The following EYS variants were observed in gnomAD, a reference collection of about 807,000 sequenced individuals.
EYS encodes the protein EGF-like photoreceptor maintenance factor.
A neutral mutation model predicts 282.1 loss-of-function variants in EYS; 250 were observed. The observed-to-expected ratio is 0.89, with a 90% confidence interval of 0.80 to 0.98. The LOEUF (loss-of-function observed/expected upper bound fraction) is 0.98, where lower values mean the gene tolerates loss of function less well. EYS is among the 50% of genes least tolerant of loss of function. The probability of loss-of-function intolerance (pLI) is 0.00; values close to 1 mark genes in which losing one functional copy is unlikely to be tolerated. For missense variants in EYS, 4,016 were observed against 3,709.0 expected, an observed-to-expected ratio of 1.08 and a Z score of -2.15; for synonymous variants, 1,355 against 1,282.9, an observed-to-expected ratio of 1.06 and a Z score of -1.20.
At chr6:65,705,851 A>T (rs1769860340) in intron 1 of EYS, among the ~76,000 whole-genome samples, 1 of 152,252 alleles carries the variant, frequency 6.6e-6, no homozygotes, top group South Asian at 2.1e-4. Flanking sequence ...AATTATTTTT[A>T]AAAAATCTGA....
At chr6:65,522,754 C>G (rs1402669266) in intron 2 of EYS, among the ~76,000 whole-genome samples, 1 of 152,046 alleles carries the variant, frequency 6.6e-6, no homozygotes, top group African/African-American at 2.4e-5. Flanking sequence ...CCCTTATATT[C>G]TCACATTTTT....
At chr6:64,555,432 A>G (rs779484987) in intron 26 of EYS, among the ~76,000 whole-genome samples, 2 of 151,934 alleles carry the variant, frequency 1.3e-5, no homozygotes, top group East Asian at 1.9e-4. Flanking sequence ...TACCTAATGT[A>G]TGACACAGCG....
chr6:65,088,037 A>T (rs1310650899), intron 12 of EYS, among the ~76,000 whole-genome samples: 1 of 152,156 alleles, frequency 6.6e-6, no homozygotes, highest in African/African-American at 2.4e-5. Context: ...CTGTCCTGTG[A>T]AGAAGGCGTC....
At chr6:64,396,519 C>T (rs1773383365) in intron 28 of EYS, among the ~76,000 whole-genome samples, 1 of 151,820 alleles carries the variant, frequency 6.6e-6, no homozygotes, top group Admixed American at 6.6e-5. Context: ...TGTTGTTGTT[C>T]CTGACTTACT....
intron 31 of EYS, among the ~76,000 whole-genome samples, chr6:64,090,641 G>A (rs969525987): frequency 6.6e-6 from 1 of 151,656 alleles, no homozygotes; most frequent in African/African-American, 2.4e-5. Flanking sequence ...AATACTCAAC[G>A]TTTGATGGCT....
intron 32 of EYS, among the ~76,000 whole-genome samples, chr6:64,069,418 T>A (rs1771490433): frequency 1.3e-5 from 2 of 152,044 alleles, no homozygotes; most frequent in African/African-American, 2.4e-5. Context: ...CTTCTATTGT[T>A]TTTATCAGTA....
intron 8 of EYS, among the ~76,000 whole-genome samples, chr6:65,357,787 A>G (rs1423715700): frequency 1.3e-5 from 2 of 152,042 alleles, no homozygotes; most frequent in Non-Finnish European, 1.5e-5. Context: ...AATGCTGCCA[A>G]TAAAAGAAAA....
At chr6:65,093,086 C>T (rs999648410) in intron 12 of EYS, among the ~76,000 whole-genome samples, 1 of 151,950 alleles carries the variant, frequency 6.6e-6, no homozygotes, top group Non-Finnish European at 1.5e-5. Context: ...CCTCATAAAA[C>T]TATCAGTTGG....
intron 41 of EYS, among the ~76,000 whole-genome samples, chr6:63,735,460 GTC>G (rs1210606838): frequency 3.3e-5 from 5 of 150,722 alleles, no homozygotes; most frequent in African/African-American, 9.8e-5. Flanking sequence ...CTCATTTCCT[GTC>G]TCTGTCTTCC....
chr6:64,301,479 A>G (rs1299083180), intron 30 of EYS, among the ~76,000 whole-genome samples: 16 of 152,198 alleles, frequency 1.1e-4, no homozygotes, highest in Admixed American at 1.0e-3. Flanking sequence ...TGGCCCCAGT[A>G]CTATGCTTTC....
intron 13 of EYS, among the ~76,000 whole-genome samples, chr6:65,042,161 T>G (rs1264545171): frequency 6.6e-6 from 1 of 151,684 alleles, no homozygotes. Context: ...GGGATCTATT[T>G]GTTCTAATAT....
intron 30 of EYS, among the ~76,000 whole-genome samples, chr6:64,305,658 G>C (rs1001547467): frequency 6.6e-6 from 1 of 152,180 alleles, no homozygotes; most frequent in African/African-American, 2.4e-5. Context: ...AACATATGGT[G>C]TTGGAGAAAC....
intron 22 of EYS, among the ~76,000 whole-genome samples, chr6:64,682,771 G>A (rs2149906006): frequency 6.6e-6 from 1 of 152,234 alleles, no homozygotes; most frequent in Middle Eastern, 3.4e-3. Flanking sequence ...TCTTCCAAAC[G>A]TACCTTCCTT....
At chr6:63,939,794 C>T (rs1022970301) in intron 35 of EYS, among the ~76,000 whole-genome samples, 4 of 151,988 alleles carry the variant, frequency 2.6e-5, no homozygotes, top group African/African-American at 9.7e-5. Context: ...AAAATATACA[C>T]AAATCTATTA....
intron 22 of EYS, among the ~76,000 whole-genome samples, chr6:64,629,704 T>C (rs946116433): frequency 6.6e-6 from 1 of 152,184 alleles, no homozygotes; most frequent in Admixed American, 6.5e-5. Flanking sequence ...TAGAAAGCAA[T>C]TGACTTCAGT....
intron 19 of EYS, among the ~76,000 whole-genome samples, chr6:64,842,425 G>A (rs1765589739): frequency 6.6e-6 from 1 of 151,876 alleles, no homozygotes; most frequent in Admixed American, 6.6e-5. Flanking sequence ...CAGTAGAGTG[G>A]GGCACTGCTG....
chr6:64,762,991 A>G (rs374608283), intron 22 of EYS, among the ~76,000 whole-genome samples: 1 of 152,212 alleles, frequency 6.6e-6, no homozygotes, highest in African/African-American at 2.4e-5. Context: ...ATTGAAAGTA[A>G]CTTGCTGTAA....
At chr6:63,804,112 G>T (rs1425138199) in intron 37 of EYS, among the ~76,000 whole-genome samples, 2 of 152,158 alleles carry the variant, frequency 1.3e-5, no homozygotes, top group Non-Finnish European at 2.9e-5. Context: ...CGCCTCCTGG[G>T]TTCAAGCGAT....
chr6:65,444,550 A>T (rs1052071090), intron 5 of EYS, among the ~76,000 whole-genome samples: 6 of 152,134 alleles, frequency 3.9e-5, no homozygotes, highest in South Asian at 2.1e-4. Flanking sequence ...GCACCTATAA[A>T]CTATGTGACT....
Sources: allele counts gnomAD v4.1 joint callset (sites outside exome capture counted in the v4.1 genomes callset), GRCh38; gene constraint gnomAD v4.1.1; transcripts MANE v1.5; gene names NCBI Gene and HGNC (gene_info 2026-07-23, HGNC 2026-07-21).